OPCML: variants seen among roughly 807,000 people sequenced by gnomAD.
OPCML encodes the protein opioid-binding protein/cell adhesion molecule.
In OPCML, 13 loss-of-function variants were observed where a neutral mutation model predicts 37.8. The ratio of observed to expected loss-of-function variants is 0.34; its 90% confidence interval spans 0.22 to 0.55. The LOEUF (loss-of-function observed/expected upper bound fraction) is 0.55. OPCML is among the 20% of genes least tolerant of loss of function. The pLI is 0.91. For synonymous variants in OPCML, 176 were observed against 168.8 expected (o/e 1.04, Z -0.33); for missense variants, 341 against 435.6 (o/e 0.78, Z 1.93).
At position 132,803,354 on chromosome 11, in the gene OPCML, A is replaced by C. The variant is rs7942116; in HGVS notation, c.146+139572T>G. On this transcript the variant is annotated intron_variant, in intron 2 of 7. Coordinates refer to ENST00000524381, the MANE Select transcript of OPCML (RefSeq NM_001012393.5). ...TATTCCACCCAAAGCTTTCAATTTT[A>C]AACGAGCTTCTTTTGGTGGCACATT... Among the ~76,000 whole-genome samples, 147 of 152,372 alleles carry C rather than the reference A, an allele frequency of 9.6e-4. 1 individual carries two copies. The highest frequency in any genetic ancestry group is 3.3e-3 in the African/African-American group (138 of 41,586).
chr11:133,007,837 T>C (rs1205198853), intron 1 of OPCML: 5 of 985,326 alleles, frequency 5.1e-6, no homozygotes, highest in African/African-American at 1.7e-5. Flanking sequence ...TTGCAGTTGA[T>C]ACACGGATGG....
rs1328655444 is a variant in OPCML, at chr11:132,943,911, A to ACG, written c.62-903_62-902dup. ...CGCCTTCCTCCCGGGAGCAGCCCCG[A>ACG]CGCGCGCGGGCCCGGACCGCCGGGG... On this transcript the variant is annotated intron_variant, in intron 1 of 7. Transcript: ENST00000524381. The surrounding 1 kb of genome is among the most constrained non-coding windows in gnomAD (Gnocchi z 4.3). The ACG allele has an allele frequency of 1.3e-5, 2 of 151,512 alleles. No individual in the cohort carries two copies. Among genetic ancestry groups the ACG allele is most frequent in the Non-Finnish European group, 2.9e-5 (2 of 67,832 alleles). 9.4% of individuals were successfully genotyped at this position (151,512 alleles called of 1,614,324 possible).
At chr11:133,299,503 C>A (rs1481511603) in intron 1 of OPCML, 1 of 152,228 alleles carries the variant, frequency 6.6e-6, no homozygotes, top group Non-Finnish European at 1.5e-5. Context: ...AAACCATCCA[C>A]AAGTTATCAA....
chr11:132,929,853 C>A (rs1372757944), intron 2 of OPCML, among the ~76,000 whole-genome samples: 4 of 152,000 alleles, frequency 2.6e-5, no homozygotes, highest in African/African-American at 7.2e-5. Context: ...AAATGTAACA[C>A]CCTTTAATAA....
chr11:132,445,393 A>C (rs1243739664), intron 4 of OPCML, among the ~76,000 whole-genome samples: 1 of 152,184 alleles, frequency 6.6e-6, no homozygotes, highest in Non-Finnish European at 1.5e-5. Flanking sequence ...CTCCTCCAGT[A>C]CAACTGTCCC....
intron 2 of OPCML, among the ~76,000 whole-genome samples, chr11:132,825,823 G>T (rs2136263574): frequency 6.6e-6 from 1 of 152,324 alleles, no homozygotes; most frequent in East Asian, 1.9e-4. Flanking sequence ...ACACCTTTGG[G>T]TTGGGAGTCC....
At chr11:132,712,405 G>C (rs527332391) in intron 2 of OPCML, among the ~76,000 whole-genome samples, 1 of 152,066 alleles carries the variant, frequency 6.6e-6, no homozygotes, top group East Asian at 1.9e-4. Context: ...CTCGGTGGAA[G>C]AGCTGTCACG....
intron 7 of OPCML, among the ~76,000 whole-genome samples, chr11:132,423,199 CT>C (rs1374874649): frequency 6.6e-6 from 1 of 152,186 alleles, no homozygotes; most frequent in Non-Finnish European, 1.5e-5. Flanking sequence ...TAAAGTTTCC[CT>C]TTTGCAGCCC....
chr11:132,588,823 C>G (rs751991173), intron 3 of OPCML, among the ~76,000 whole-genome samples: 1 of 152,212 alleles, frequency 6.6e-6, no homozygotes, highest in Non-Finnish European at 1.5e-5. Flanking sequence ...CTGTCCGGTT[C>G]TGCCTTCTTC....
At chr11:132,518,172 C>A (rs2096284313) in intron 4 of OPCML, among the ~76,000 whole-genome samples, 1 of 152,154 alleles carries the variant, frequency 6.6e-6, no homozygotes, top group Non-Finnish European at 1.5e-5. Context: ...CAACCCATCA[C>A]CTAGGTTTTA....
chr11:133,231,207 A>G (rs915259964), intron 1 of OPCML, among the ~76,000 whole-genome samples: 6 of 152,148 alleles, frequency 3.9e-5, no homozygotes, highest in Admixed American at 1.3e-4. Flanking sequence ...GTAGCTGCGG[A>G]TGAAACATTT....
At chr11:132,690,940 C>T (rs954710387) in intron 2 of OPCML, among the ~76,000 whole-genome samples, 2 of 152,146 alleles carry the variant, frequency 1.3e-5, no homozygotes, top group African/African-American at 4.8e-5. Context: ...AGAAAACATG[C>T]AAAATAGGCT....
intron 3 of OPCML, among the ~76,000 whole-genome samples, chr11:132,555,775 G>A (rs1234563504): frequency 6.6e-6 from 1 of 152,004 alleles, no homozygotes; most frequent in African/African-American, 2.4e-5. Flanking sequence ...ATGTAGCACT[G>A]GTCTGAACAA....
intron 1 of OPCML, among the ~76,000 whole-genome samples, chr11:133,253,023 G>A (rs1394113344): frequency 1.3e-5 from 2 of 151,688 alleles, no homozygotes; most frequent in Non-Finnish European, 2.9e-5. Context: ...GTGGGCACCG[G>A]TAATCCCAGC....
intron 2 of OPCML, among the ~76,000 whole-genome samples, chr11:132,879,938 A>G (rs1338903657): frequency 1.3e-5 from 2 of 152,198 alleles, no homozygotes; most frequent in Admixed American, 6.6e-5. Flanking sequence ...AGAAAGATAA[A>G]GTTACATTTC....
At chr11:132,944,617 A>G (rs1223771877) in intron 1 of OPCML, among the ~76,000 whole-genome samples, 2 of 152,246 alleles carry the variant, frequency 1.3e-5, no homozygotes, top group Non-Finnish European at 2.9e-5. Context: ...ACCAGATCCT[A>G]AAAAGTAGTA....
intron 4 of OPCML, among the ~76,000 whole-genome samples, chr11:132,501,212 C>A (rs1200386919): frequency 6.6e-6 from 1 of 152,166 alleles, no homozygotes; most frequent in African/African-American, 2.4e-5. Flanking sequence ...TTCCTTACAC[C>A]TTATACAAAA....
intron 1 of OPCML, among the ~76,000 whole-genome samples, chr11:133,274,997 A>C (rs1941952817): frequency 6.6e-6 from 1 of 152,142 alleles, no homozygotes; most frequent in Admixed American, 6.5e-5. Flanking sequence ...TTAGGGTTAG[A>C]GTGACAGCTA....
chr11:133,530,459 G>A (rs992262161), intron 1 of OPCML, among the ~76,000 whole-genome samples: 5 of 152,232 alleles, frequency 3.3e-5, no homozygotes, highest in Admixed American at 6.5e-5. Flanking sequence ...GAGGGGAAGC[G>A]GGTATGAGGA....
Sources: gnomAD v4.1 joint callset for allele counts (sites outside exome capture counted in the v4.1 genomes callset) on GRCh38, gnomAD v4.1.1 for gene constraint, Gnocchi (gnomAD v3.1) non-coding constraint, MANE v1.5 for transcripts, NCBI Gene and HGNC (gene_info 2026-07-23, HGNC 2026-07-21) for gene names.